TMEM114: variants seen among roughly 807,000 people sequenced by gnomAD.
The protein encoded by TMEM114 is claudin-26.
A neutral mutation model predicts 6.2 loss-of-function variants in TMEM114; 6 were observed. The observed-to-expected ratio is 0.97, with a 90% CI of 0.53 to 1.91. The LOEUF (loss-of-function observed/expected upper bound fraction) is 1.91. Ranked by LOEUF, TMEM114 falls within the 40% of genes most tolerant of loss-of-function variation. The pLI, the probability that TMEM114 is intolerant of heterozygous loss-of-function variation, is 0.01. For missense variants in TMEM114, 218 were observed against 158.3 expected (o/e 1.38, Z -2.02); for synonymous variants, 104 against 73.0 (o/e 1.42, Z -2.16).
chr16:8,558,745 CTT>C (rs5815478), intron 2 of TMEM114, among the ~76,000 whole-genome samples: 26 of 145,304 alleles, frequency 1.8e-4, no homozygotes, highest in South Asian at 4.4e-4. Context: ...GCACCCAGTT[CTT>C]TTTTTTTTTT....
intron 2 of TMEM114, among the ~76,000 whole-genome samples, chr16:8,585,504 C>T (rs1389620124): frequency 1.3e-5 from 2 of 152,142 alleles, no homozygotes. Flanking sequence ...GAACGTGCTG[C>T]TTGTCAGCTA....
chr16:8,587,922 G>A (rs892637203), intron 2 of TMEM114, among the ~76,000 whole-genome samples: 14 of 151,934 alleles, frequency 9.2e-5, no homozygotes, highest in African/African-American at 2.7e-4. Context: ...GGCCAAGGCA[G>A]GAACATCACT....
chr16:8,538,718 G>C (rs1476087221), intron 2 of TMEM114, among the ~76,000 whole-genome samples: 1 of 152,090 alleles, frequency 6.6e-6, no homozygotes, highest in Non-Finnish European at 1.5e-5. Flanking sequence ...CTGTTAGCCA[G>C]GATGGTGTCG....
Position 8,569,759 on chromosome 16 carries a change from C to A in TMEM114, c.*14G>T. On this transcript the variant is annotated 3_prime_UTR_variant, in exon 4 of 4. Transcript: ENST00000620492. Reference sequence around the variant, plus strand: ...CCAAGCCCCTCCCTCCCCTCCACGACCCAGCGCCCAGGCTCATATGGCCTG... The same window carrying A: ...CCAAGCCCCTCCCTCCCCTCCACGAACCAGCGCCCAGGCTCATATGGCCTG... 1 of 1,544,910 alleles carries A rather than the reference C, an allele frequency of 6.5e-7. No individual in the cohort carries two copies. Among genetic ancestry groups the A allele is most frequent in the South Asian group, 1.2e-5 (1 of 83,820 alleles).
intron 2 of TMEM114, among the ~76,000 whole-genome samples, chr16:8,587,537 T>C (rs1384838716): frequency 7.2e-5 from 11 of 152,166 alleles, no homozygotes; most frequent in Admixed American, 5.9e-4. Flanking sequence ...AAAATATTTG[T>C]GGCAGGAGGA....
chr16:8,562,880 G>C (rs1435539130), intron 2 of TMEM114, among the ~76,000 whole-genome samples: 1 of 151,098 alleles, frequency 6.6e-6, no homozygotes, highest in Non-Finnish European at 1.5e-5. Context: ...AAATGAGTGA[G>C]GGAGGGAGGG....
downstream of TMEM114, among the ~76,000 whole-genome samples, chr16:8,567,566 A>T (rs1171725276): frequency 1.3e-5 from 2 of 152,138 alleles, no homozygotes; most frequent in African/African-American, 2.4e-5. Context: ...GCATCATAGG[A>T]TGCGAGGAGC....
chr16:8,536,663 T>C (rs1900369388), downstream of TMEM114, among the ~76,000 whole-genome samples: 1 of 152,008 alleles, frequency 6.6e-6, no homozygotes, highest in Non-Finnish European at 1.5e-5. Flanking sequence ...TTTATTTTGG[T>C]TTGTTTTTGT....
At chr16:8,558,672 C>T (rs1173621017) in intron 2 of TMEM114, among the ~76,000 whole-genome samples, 4 of 152,120 alleles carry the variant, frequency 2.6e-5, no homozygotes, top group African/African-American at 7.2e-5. Flanking sequence ...CCACCCTGAG[C>T]ATTTCACCCC....
chr16:8,541,146 A>T (rs1436490106), intron 2 of TMEM114, among the ~76,000 whole-genome samples: 2 of 152,172 alleles, frequency 1.3e-5, no homozygotes, highest in African/African-American at 4.8e-5. Context: ...TGCCAGGCAT[A>T]TTATATCATA....
At position 8,569,509 on chromosome 16, in the gene TMEM114, A is replaced by G; in HGVS notation, c.*264T>C. On this transcript the variant is annotated 3_prime_UTR_variant, in exon 4 of 4. Transcript: ENST00000620492. ...TCTGTAAAGCTCTGTGTGTGATTAA[A>G]GGATCGTTTTTATTTCTCGCGAAGC... The G allele has an allele frequency of 7.3e-7, 1 of 1,377,322 alleles. No homozygotes were observed. The highest frequency in any genetic ancestry group is 1.7e-5 in the South Asian group (1 of 58,518). The allele number at this position is 1,377,322 out of a possible 1,614,324, so 85.3% of individuals were successfully genotyped here.
chr16:8,545,666 C>A (rs1457627139), intron 2 of TMEM114, among the ~76,000 whole-genome samples: 1 of 152,132 alleles, frequency 6.6e-6, no homozygotes, highest in African/African-American at 2.4e-5. Flanking sequence ...AACAAATTCC[C>A]AAATGAGGCT....
At chr16:8,583,701 T>C (rs117664581) in intron 2 of TMEM114, among the ~76,000 whole-genome samples, 9,857 of 151,944 alleles carry the variant, frequency 0.065, 410 homozygotes, top group Middle Eastern at 0.12. Context: ...TGAGCTATGA[T>C]TGTGCTACTA....
At chr16:8,566,005 G>C (rs1901530124), downstream of TMEM114, among the ~76,000 whole-genome samples, 3 of 152,218 alleles carry the variant, frequency 2.0e-5, no homozygotes, top group Admixed American at 2.0e-4. Flanking sequence ...GAACAGAACA[G>C]ATCAGAACAA....
At chr16:8,528,104 C>T in the TMEM114 span, among the ~76,000 whole-genome samples, 44,422 of 151,902 alleles carry the variant, frequency 0.29, 7,395 homozygotes, top group East Asian at 0.43. Flanking sequence ...TTTCGCCATG[C>T]TGCCCAGGCT....
chr16:8,566,095 G>T (rs943926606), downstream of TMEM114, among the ~76,000 whole-genome samples: 2 of 152,152 alleles, frequency 1.3e-5, no homozygotes, highest in African/African-American at 4.8e-5. Context: ...ATCGGGCCAG[G>T]CACGGTGGCT....
At chr16:8,560,553 C>G (rs1025709666) in intron 2 of TMEM114, among the ~76,000 whole-genome samples, 1 of 152,148 alleles carries the variant, frequency 6.6e-6, no homozygotes, top group African/African-American at 2.4e-5. Context: ...TGTTTATTCT[C>G]AAGGAAGAAA....
At chr16:8,554,325 G>A (rs754480493) in intron 2 of TMEM114, among the ~76,000 whole-genome samples, 1 of 152,074 alleles carries the variant, frequency 6.6e-6, no homozygotes, top group Non-Finnish European at 1.5e-5. Flanking sequence ...GGAGGCCAAG[G>A]CAGGAGCATC....
At chr16:8,559,137 G>A (rs1281929546) in intron 2 of TMEM114, among the ~76,000 whole-genome samples, 3 of 152,020 alleles carry the variant, frequency 2.0e-5, no homozygotes, top group Admixed American at 2.0e-4. Flanking sequence ...CTTCTTCCCA[G>A]GTTCAAGTGA....
Sources: allele counts gnomAD v4.1 joint callset (sites outside exome capture counted in the v4.1 genomes callset), GRCh38; gene constraint gnomAD v4.1.1; transcripts MANE v1.5; gene names NCBI Gene and HGNC (gene_info 2026-07-23, HGNC 2026-07-21).